Variants in APBB2 observed in about 807,000 individuals in gnomAD.
APBB2 encodes Fe65-like 1.
Under a neutral mutation model 82.5 loss-of-function variants are expected in APBB2, and 38 were observed. That is an observed-to-expected ratio of 0.46 (90% confidence interval 0.36 to 0.60). The LOEUF (loss-of-function observed/expected upper bound fraction) is 0.60. Ranked by LOEUF, APBB2 falls within the 20% of genes least tolerant of loss-of-function variation. The probability of loss-of-function intolerance (pLI) is 0.00; values close to 1 mark genes in which losing one functional copy is unlikely to be tolerated. For synonymous variants in APBB2, 341 were observed against 368.2 expected (o/e 0.93, Z 0.85); for missense variants, 772 against 972.3 (o/e 0.79, Z 2.74).
intron 12 of APBB2, among the ~76,000 whole-genome samples, chr4:40,845,759 G>A (rs2154318246): frequency 6.6e-6 from 1 of 152,184 alleles, no homozygotes; most frequent in East Asian, 1.9e-4. Flanking sequence ...GGACTTGCCA[G>A]TAGACTTCTC....
At chr4:40,968,891 G>A (rs996156933) in intron 6 of APBB2, among the ~76,000 whole-genome samples, 1 of 152,126 alleles carries the variant, frequency 6.6e-6, no homozygotes, top group Non-Finnish European at 1.5e-5. Context: ...GGACCTGGTG[G>A]GAGTTAATTG....
chr4:40,866,931 T>C (rs1251049147), intron 12 of APBB2, among the ~76,000 whole-genome samples: 4 of 152,110 alleles, frequency 2.6e-5, no homozygotes, highest in Admixed American at 6.5e-5. Flanking sequence ...CTGTGCAGTT[T>C]CCCGTGCAGA....
intron 5 of APBB2, among the ~76,000 whole-genome samples, chr4:41,015,201 T>C (rs1020199653): frequency 3.3e-5 from 5 of 152,206 alleles, no homozygotes; most frequent in Non-Finnish European, 7.3e-5. Context: ...TAGGAAACTA[T>C]CTGGCAACCG....
intron 17 of APBB2, among the ~76,000 whole-genome samples, chr4:40,819,650 G>T (rs2154294677): frequency 6.6e-6 from 1 of 152,048 alleles, no homozygotes; most frequent in Admixed American, 6.6e-5. Context: ...GAATAAAAAA[G>T]GGGCAGGCCT....
intron 1 of APBB2, among the ~76,000 whole-genome samples, chr4:41,208,323 G>A (rs1439698247): frequency 2.0e-5 from 3 of 152,034 alleles, no homozygotes; most frequent in East Asian, 1.9e-4. Flanking sequence ...GTGCAGTGGC[G>A]CGGTCTCAGC....
chr4:40,850,481 C>T (rs1392617058), intron 12 of APBB2, among the ~76,000 whole-genome samples: 3 of 152,210 alleles, frequency 2.0e-5, no homozygotes, highest in Admixed American at 6.5e-5. Flanking sequence ...CTTCTTACTT[C>T]CAAGTGACGA....
At chr4:40,945,955 G>A (rs1051693491) in intron 6 of APBB2, among the ~76,000 whole-genome samples, 6 of 152,270 alleles carry the variant, frequency 3.9e-5, no homozygotes, top group South Asian at 2.1e-4. Context: ...AAGGAAGGCC[G>A]GGCGTGGTGG....
At chr4:41,014,511 A>G in intron 5 of APBB2, 113 bp from the exon 6 acceptor site, 1 of 997,902 alleles carries the variant, frequency 1.0e-6, no homozygotes, top group Non-Finnish European at 1.5e-6. Flanking sequence ...CACTGCACAT[A>G]CATTCTCATA....
intron 6 of APBB2, among the ~76,000 whole-genome samples, chr4:40,989,526 ACT>A (rs1357313760): frequency 0.041 from 5,105 of 124,644 alleles, 125 homozygotes; most frequent in Middle Eastern, 0.096. Context: ...AGAAGGAGAA[ACT>A]ACATTTTTTT....
At chr4:40,853,023 C>T (rs1251227579) in intron 12 of APBB2, among the ~76,000 whole-genome samples, 1 of 152,188 alleles carries the variant, frequency 6.6e-6, no homozygotes, top group Non-Finnish European at 1.5e-5. Flanking sequence ...ACAGTTATTA[C>T]TTCTATTAGC....
intron 2 of APBB2, among the ~76,000 whole-genome samples, chr4:41,121,486 G>A (rs913160344): frequency 6.6e-6 from 1 of 152,238 alleles, no homozygotes; most frequent in Non-Finnish European, 1.5e-5. Context: ...TCATGCGTGC[G>A]CATCTGTGGT....
At chr4:41,011,353 G>A (rs187335130) in intron 6 of APBB2, among the ~76,000 whole-genome samples, 27 of 150,704 alleles carry the variant, frequency 1.8e-4, no homozygotes, top group African/African-American at 6.6e-4. Flanking sequence ...GCTAATTTTT[G>A]TACTTTTAGT....
intron 2 of APBB2, among the ~76,000 whole-genome samples, chr4:41,123,101 GCTCTCTCT>G (rs150789404): frequency 1.3e-5 from 2 of 148,852 alleles, no homozygotes; most frequent in Non-Finnish European, 1.5e-5. Context: ...TCTTGCCCCA[GCTCTCTCT>G]CTCTCTCTCT....
At chr4:41,148,731 T>C (rs1262298149) in intron 1 of APBB2, among the ~76,000 whole-genome samples, 3 of 152,164 alleles carry the variant, frequency 2.0e-5, no homozygotes, top group African/African-American at 4.8e-5. Context: ...AAAGTGATAG[T>C]GTCATTTTTA....
chr4:41,028,911 T>G (rs73248229), intron 5 of APBB2, among the ~76,000 whole-genome samples: 3,454 of 152,286 alleles, frequency 0.023, 74 homozygotes, highest in Non-Finnish European at 0.035. Flanking sequence ...GCTTTCCCCC[T>G]CCTCCTTTTC....
chr4:41,161,396 C>T (rs939677121), intron 1 of APBB2, among the ~76,000 whole-genome samples: 5 of 151,940 alleles, frequency 3.3e-5, no homozygotes, highest in Non-Finnish European at 5.9e-5. Flanking sequence ...TCCTTGAGCC[C>T]GGGAGTTCAA....
At chr4:40,938,724 G>A (rs989332667) in intron 7 of APBB2, among the ~76,000 whole-genome samples, 2 of 152,156 alleles carry the variant, frequency 1.3e-5, no homozygotes, top group African/African-American at 4.8e-5. Context: ...TGAGAACTGG[G>A]TAGAGAGGAA....
Position 41,197,423 on chromosome 4 carries a change from T to C in APBB2, c.-417+16982A>G. ...AGCCAGTATTTTCTGAGCACTTATTTTGGCCAAACACTGATCTAAGCACTC... is the reference window on the plus strand; with the variant it reads ...AGCCAGTATTTTCTGAGCACTTATTCTGGCCAAACACTGATCTAAGCACTC... On this transcript the variant is annotated intron_variant, in intron 1 of 17. Transcript: ENST00000508593. Among the ~76,000 whole-genome samples the C allele has an allele frequency of 2.6e-5, 4 of 152,186 alleles. No individual in the cohort carries two copies. In the East Asian group the frequency reaches 7.7e-4, roughly 29 times the overall value.
chr4:41,176,399 T>A (rs1482783377), intron 1 of APBB2, among the ~76,000 whole-genome samples: 5 of 152,102 alleles, frequency 3.3e-5, no homozygotes, highest in African/African-American at 1.2e-4. Context: ...TTAACCAAAT[T>A]AAACCAGAGC....
Sources: gnomAD v4.1 joint callset for allele counts (sites outside exome capture counted in the v4.1 genomes callset) on GRCh38, gnomAD v4.1.1 for gene constraint, MANE v1.5 for transcripts, NCBI Gene and HGNC (gene_info 2026-07-23, HGNC 2026-07-21) for gene names.